Variants in EVA1C observed in about 807,000 individuals in gnomAD.
EVA1C encodes the protein eva-1 homolog C.
A neutral mutation model predicts 45.4 loss-of-function variants in EVA1C; 25 were observed. That is an observed-to-expected ratio of 0.55 (90% confidence interval 0.40 to 0.77). The LOEUF (loss-of-function observed/expected upper bound fraction) is 0.77. Ranked by LOEUF, EVA1C falls within the 30% of genes least tolerant of loss-of-function variation. EVA1C has a pLI of 0.00. For synonymous variants in EVA1C, 190 were observed against 221.2 expected (o/e 0.86, Z 1.25); for missense variants, 479 against 554.8 (o/e 0.86, Z 1.37).
intron 1 of EVA1C, among the ~76,000 whole-genome samples, chr21:32,439,144 GC>G (rs1482036813): frequency 1.3e-5 from 2 of 150,394 alleles, no homozygotes; most frequent in Non-Finnish European, 2.9e-5. Flanking sequence ...GGAGGCCAAG[GC>G]AGGAGAATCA....
chr21:32,434,451 C>A (rs2034848077), intron 1 of EVA1C, among the ~76,000 whole-genome samples: 3 of 151,308 alleles, frequency 2.0e-5, no homozygotes, highest in Admixed American at 1.3e-4. Context: ...ATTAGCCGGG[C>A]ATGGTGGTGG....
upstream of EVA1C, chr21:32,411,903 G>C (rs1293921529): frequency 6.6e-6 from 1 of 152,282 alleles, no homozygotes. Context: ...CTGGCTGGGC[G>C]TCCGAACGTG....
chr21:32,425,844 C>T (rs552797779), intron 1 of EVA1C, among the ~76,000 whole-genome samples: 3 of 152,308 alleles, frequency 2.0e-5, no homozygotes, highest in East Asian at 1.9e-4. Flanking sequence ...TCCAGGACAG[C>T]GCCCCCACAG....
rs539189676 is a variant in EVA1C at position 32,510,800 on chromosome 21, C to G, written c.950-4014C>G. ...CTGTAATCCCAGCACTTGGGGAGGC[C>G]AAGGCAGGAGGATCACTTTCAGCCA... On this transcript the variant is annotated intron_variant, in intron 7 of 7. Transcript: ENST00000300255. 4.0e-5 allele frequency among the ~76,000 whole-genome samples: 6 copies of G among 151,220 alleles called. No homozygotes were observed. The South Asian group carries it at 1.3e-3, about 32-fold the overall frequency.
intron 1 of EVA1C, among the ~76,000 whole-genome samples, chr21:32,450,462 A>C (rs2035538926): frequency 6.6e-6 from 1 of 151,342 alleles, no homozygotes; most frequent in Non-Finnish European, 1.5e-5. Flanking sequence ...GCAAACTCTG[A>C]AAATTGATTT....
intron 1 of EVA1C, among the ~76,000 whole-genome samples, chr21:32,444,158 A>T (rs2035285529): frequency 6.6e-6 from 1 of 152,058 alleles, no homozygotes; most frequent in African/African-American, 2.4e-5. Context: ...TTTGTGACCA[A>T]ATGTTTGGGG....
chr21:32,457,554 G>A, intron 2 of EVA1C, 43 bp from the exon 3 acceptor site: 1 of 1,613,158 alleles, frequency 6.2e-7, no homozygotes. Flanking sequence ...CAGTCACTGT[G>A]AGCAGTTTTC....
chr21:32,500,585 C>T (rs533452982), intron 5 of EVA1C, among the ~76,000 whole-genome samples: 4 of 152,198 alleles, frequency 2.6e-5, no homozygotes, highest in African/African-American at 7.2e-5. Flanking sequence ...TTCACAATGC[C>T]CCGAAGCTCC....
At chr21:32,508,008 C>T (rs62214676) in intron 7 of EVA1C, among the ~76,000 whole-genome samples, 13,258 of 149,074 alleles carry the variant, frequency 0.089, 600 homozygotes, top group Non-Finnish European at 0.098. Flanking sequence ...CGTGTGTGTA[C>T]GCATGCATGT....
At chr21:32,444,091 C>CACACACACACACAA (rs1555855221) in intron 1 of EVA1C, among the ~76,000 whole-genome samples, 2 of 146,282 alleles carry the variant, frequency 1.4e-5, no homozygotes, top group African/African-American at 5.2e-5. Flanking sequence ...CACACACACA[C>CACACACACACACAA]AAACTCAAAG....
At chr21:32,462,241 A>C in intron 3 of EVA1C, among the ~76,000 whole-genome samples, 1 of 149,050 alleles carries the variant, frequency 6.7e-6, no homozygotes, top group African/African-American at 2.5e-5. Flanking sequence ...AAAAAAAAAA[A>C]CAATTAGCAG....
chr21:32,428,296 C>G (rs1157970113), intron 1 of EVA1C: 1 of 152,176 alleles, frequency 6.6e-6, no homozygotes, highest in African/African-American at 2.4e-5. Flanking sequence ...TGAGGAATCA[C>G]CGAATGAAAG....
intron 1 of EVA1C, among the ~76,000 whole-genome samples, chr21:32,434,320 G>T (rs1601243301): frequency 8.2e-6 from 1 of 122,526 alleles, no homozygotes; most frequent in African/African-American, 3.0e-5. Flanking sequence ...GGCCGGGCGT[G>T]GTGGCTCATG....
intron 1 of EVA1C, among the ~76,000 whole-genome samples, chr21:32,449,713 C>T (rs1295372660): frequency 6.6e-6 from 1 of 151,954 alleles, no homozygotes; most frequent in African/African-American, 2.4e-5. Context: ...CCTCTGCCTC[C>T]AGTGTTCAAG....
intron 1 of EVA1C, among the ~76,000 whole-genome samples, chr21:32,444,079 CA>C (rs796369813): frequency 4.4e-4 from 53 of 120,480 alleles, no homozygotes; most frequent in South Asian, 8.7e-4. Context: ...CACACACACA[CA>C]CACACACACA....
chr21:32,507,899 G>A (rs1174877507), intron 7 of EVA1C, among the ~76,000 whole-genome samples: 2 of 124,658 alleles, frequency 1.6e-5, no homozygotes, highest in South Asian at 2.5e-4. Context: ...CTGTGCATGT[G>A]TGTATCTGTG....
intron 1 of EVA1C, among the ~76,000 whole-genome samples, chr21:32,432,176 A>G (rs1477457385): frequency 2.0e-5 from 3 of 152,008 alleles, no homozygotes; most frequent in Admixed American, 6.6e-5. Context: ...CAGCAATGGT[A>G]TCATGTTCTT....
chr21:32,504,019 G>A lies in EVA1C; in HGVS notation c.949+4G>A, dbSNP rs759117193. On this transcript the variant is annotated splice_donor_region_variant and intron_variant, in intron 7 of 7. Transcript: ENST00000300255. ...GCAGCCTTTGCTTACATTAGAGGTA[G>A]GTCAATGAATCAAAGCTTCCTAGAA... is the stretch of plus-strand genomic sequence containing the variant. 6.3e-7 allele frequency: 1 copy of A among 1,595,914 alleles called. No individual in the cohort carries two copies.
chr21:32,464,976 G>T (rs2146292390), intron 3 of EVA1C, among the ~76,000 whole-genome samples: 1 of 152,220 alleles, frequency 6.6e-6, no homozygotes, highest in South Asian at 2.1e-4. Context: ...GATTAAGGTG[G>T]GCGTTTTCAA....
Sources: allele counts gnomAD v4.1 joint callset (sites outside exome capture counted in the v4.1 genomes callset), GRCh38; gene constraint gnomAD v4.1.1; transcripts MANE v1.5; gene names NCBI Gene and HGNC (gene_info 2026-07-23, HGNC 2026-07-21).